ROBO2: variants seen among roughly 807,000 people sequenced by gnomAD.
The protein encoded by ROBO2 is roundabout homolog 2.
Under a neutral mutation model 160.8 loss-of-function variants are expected in ROBO2, and 53 were observed. The ratio of observed to expected loss-of-function variants is 0.33; its 90% CI spans 0.26 to 0.41. The LOEUF is 0.41. Ranked by LOEUF, ROBO2 falls within the 10% of genes least tolerant of loss-of-function variation. The pLI, the probability that ROBO2 is intolerant of heterozygous loss-of-function variation, is 1.00. For synonymous variants in ROBO2, 664 were observed against 611.7 expected (o/e 1.09, Z -1.26); for missense variants, 1,577 against 1,722.4 (o/e 0.92, Z 1.49).
intron 2 of ROBO2, among the ~76,000 whole-genome samples, chr3:76,307,007 C>T (rs890313445): frequency 6.6e-6 from 1 of 152,100 alleles, no homozygotes; most frequent in Non-Finnish European, 1.5e-5. Flanking sequence ...GACCCCCTAC[C>T]ATTGAAGATA....
chr3:77,239,353 G>C (rs1325488992), intron 2 of ROBO2, among the ~76,000 whole-genome samples: 2 of 151,994 alleles, frequency 1.3e-5, no homozygotes, highest in East Asian at 1.9e-4. Context: ...ATTCCTCCCG[G>C]TGGGCTTGTG....
At chr3:76,089,279 C>A (rs1198410027) in intron 2 of ROBO2, among the ~76,000 whole-genome samples, 1 of 152,026 alleles carries the variant, frequency 6.6e-6, no homozygotes, top group Non-Finnish European at 1.5e-5. Flanking sequence ...TATGCCAATT[C>A]TCCACAGTCT....
rs1560319540 is a variant in ROBO2, at chr3:76,657,708, G to GTGTATATATATTCATATA, written c.110-440303_110-440302insATATATATTCATATATGT. ...TATGTGTGTATATATATTCATATAT[G>GTGTATATATATTCATATA]TGTGTATATATATTCATATATGAGT... On this transcript the variant is annotated intron_variant, in intron 2 of 26. Coordinates refer to the ROBO2 transcript ENST00000487694. Among the ~76,000 whole-genome samples the GTGTATATATATTCATATA allele has an allele frequency of 2.5e-3, 328 of 132,846 alleles. 2 individuals carry two copies. Among genetic ancestry groups the GTGTATATATATTCATATA allele is most frequent in the African/African-American group, 0.01 (294 of 28,850 alleles). The allele number at this position is 132,846 out of a possible 152,430, so 87.2% of individuals were successfully genotyped here. A position where few individuals can be genotyped will look rare whatever the true frequency, so the allele number is the denominator to read the frequency against.
chr3:76,181,999 A>C (rs141240008), intron 2 of ROBO2, among the ~76,000 whole-genome samples: 3,262 of 152,284 alleles, frequency 0.021, 64 homozygotes, highest in Non-Finnish European at 0.037. Flanking sequence ...TTAATAAGGA[A>C]GAAAGATTAG....
At chr3:76,493,337 TTA>T (rs57835432) in intron 2 of ROBO2, among the ~76,000 whole-genome samples, 37,809 of 104,664 alleles carry the variant, frequency 0.36, 6,830 homozygotes, top group South Asian at 0.4. Context: ...AGACAAAAAA[TTA>T]TATATATATA....
At chr3:76,076,977 A>T (rs191304673) in intron 2 of ROBO2, among the ~76,000 whole-genome samples, 1 of 152,300 alleles carries the variant, frequency 6.6e-6, no homozygotes, top group Admixed American at 6.5e-5. Flanking sequence ...AGTATTGGCC[A>T]GTATTTTTCT....
chr3:76,565,593 A>C (rs979566131), intron 2 of ROBO2, among the ~76,000 whole-genome samples: 6 of 152,148 alleles, frequency 3.9e-5, no homozygotes, highest in African/African-American at 1.4e-4. Flanking sequence ...TTGCATTTAA[A>C]ATTTTCATGT....
At chr3:77,491,996 C>CT (rs1345326053) in intron 4 of ROBO2, among the ~76,000 whole-genome samples, 1 of 152,116 alleles carries the variant, frequency 6.6e-6, no homozygotes, top group African/African-American at 2.4e-5. Context: ...TATTTATACT[C>CT]TTAACATCTA....
chr3:77,509,891 G>T (rs959861287), intron 5 of ROBO2, among the ~76,000 whole-genome samples: 1 of 152,028 alleles, frequency 6.6e-6, no homozygotes, highest in Admixed American at 6.6e-5. Flanking sequence ...AAATCTAGAG[G>T]TATAAGTAGA....
At chr3:77,114,980 A>G (rs1205808705) in intron 2 of ROBO2, among the ~76,000 whole-genome samples, 1 of 151,974 alleles carries the variant, frequency 6.6e-6, no homozygotes, top group Non-Finnish European at 1.5e-5. Context: ...TTTTCCTGTG[A>G]GTGTTTTTAT....
chr3:76,168,517 T>G (rs1345519949), intron 2 of ROBO2, among the ~76,000 whole-genome samples: 1 of 152,172 alleles, frequency 6.6e-6, no homozygotes, highest in Non-Finnish European at 1.5e-5. Context: ...TCTCTCTGTA[T>G]TCCAAATGAT....
intron 2 of ROBO2, among the ~76,000 whole-genome samples, chr3:76,366,079 C>A (rs897515099): frequency 6.6e-6 from 1 of 152,008 alleles, no homozygotes; most frequent in East Asian, 1.9e-4. Context: ...CTTTGCATAT[C>A]CTACTTTCTT....
At chr3:77,052,821 G>A (rs550367926) in intron 1 of ROBO2, among the ~76,000 whole-genome samples, 3 of 152,252 alleles carry the variant, frequency 2.0e-5, no homozygotes, top group Middle Eastern at 3.4e-3. Flanking sequence ...CAGCCAAATA[G>A]CATTTTTGTT....
chr3:77,637,085 C>T (rs542336635), intron 24 of ROBO2, among the ~76,000 whole-genome samples: 1 of 152,266 alleles, frequency 6.6e-6, no homozygotes, highest in South Asian at 2.1e-4. Flanking sequence ...TTAAAAACTG[C>T]ACATTAGAAC....
At chr3:76,370,070 A>G (rs1223679039) in intron 2 of ROBO2, among the ~76,000 whole-genome samples, 1 of 152,004 alleles carries the variant, frequency 6.6e-6, no homozygotes, top group African/African-American at 2.4e-5. Context: ...AGAACATGCT[A>G]TGTAGAATAT....
chr3:76,916,152 A>G (rs2148960210), intron 2 of ROBO2, among the ~76,000 whole-genome samples: 1 of 152,280 alleles, frequency 6.6e-6, no homozygotes, highest in East Asian at 1.9e-4. Flanking sequence ...GTTGCAGAAG[A>G]TACTTCTTTT....
At chr3:76,422,253 C>T (rs1485642908) in intron 2 of ROBO2, among the ~76,000 whole-genome samples, 1 of 152,200 alleles carries the variant, frequency 6.6e-6, no homozygotes, top group Non-Finnish European at 1.5e-5. Context: ...CCACTGCCCA[C>T]TCTAGTCTCT....
chr3:77,153,662 C>T (rs577734705), intron 2 of ROBO2, among the ~76,000 whole-genome samples: 1 of 152,054 alleles, frequency 6.6e-6, no homozygotes, highest in African/African-American at 2.4e-5. Flanking sequence ...AGAAGTAGCC[C>T]CCATTCCTTC....
rs139756392 is a variant in ROBO2 at position 77,260,129 on chromosome 3, T to C, written c.388+161789T>C. The stretch of plus-strand genomic sequence containing the variant: ...TGTCTGATGAAAGTAATAAAACAGG[T>C]GGTCATCGAGACTAGGAAAGAAAAG... On this transcript the variant is annotated intron_variant, in intron 2 of 25. Transcript: ENST00000461745. Among the ~76,000 whole-genome samples, 482 of 152,244 alleles carry C rather than the reference T, an allele frequency of 3.2e-3. 1 individual carries two copies. The highest frequency in any genetic ancestry group is 6.4e-3 in the South Asian group (31 of 4,826).
Sources: gnomAD v4.1 joint callset for allele counts (sites outside exome capture counted in the v4.1 genomes callset) on GRCh38, gnomAD v4.1.1 for gene constraint, MANE v1.5 for transcripts, NCBI Gene and HGNC (gene_info 2026-07-23, HGNC 2026-07-21) for gene names.